The following SNX29 variants were observed in gnomAD, a reference collection of about 807,000 sequenced individuals.
The protein encoded by SNX29 is sorting nexin-29.
In SNX29, 78 loss-of-function variants were observed where a neutral mutation model predicts 102.1. The ratio of observed to expected loss-of-function variants is 0.76; its 90% CI spans 0.64 to 0.92. The LOEUF (loss-of-function observed/expected upper bound fraction) is 0.92, where lower values mean the gene tolerates loss of function less well. SNX29 is among the 40% of genes least tolerant of loss of function. SNX29 has a pLI of 0.00. For missense variants in SNX29, 1,280 were observed against 1,061.7 expected (o/e 1.21, Z -2.86); for synonymous variants, 580 against 414.5 (o/e 1.40, Z -4.85).
At position 12,570,744 on chromosome 16, in the gene SNX29, G is replaced by C. The variant is rs765336462; in HGVS notation, c.*2115G>C. 8 of 231,732 alleles carry C rather than the reference G, an allele frequency of 3.5e-5. No homozygotes were observed. Among genetic ancestry groups the C allele is most frequent in the Non-Finnish European group, 6.0e-5 (7 of 117,554 alleles). 14.4% of individuals were successfully genotyped at this position (231,732 alleles called of 1,614,324 possible). On this transcript the variant is annotated 3_prime_UTR_variant, in exon 21 of 21. Coordinates refer to ENST00000566228, the MANE Select transcript of SNX29 (RefSeq NM_032167.5). ...TGGTCTCTCTCCAGATACCCCACGAGGAAGCACCTTGGACATTCTGCACAT... is the reference window on the plus strand; with the variant it reads ...TGGTCTCTCTCCAGATACCCCACGACGAAGCACCTTGGACATTCTGCACAT...
intron 18 of SNX29, among the ~76,000 whole-genome samples, chr16:12,432,233 G>C (rs1021473937): frequency 6.6e-6 from 1 of 152,186 alleles, no homozygotes; most frequent in Non-Finnish European, 1.5e-5. Context: ...TCGGTCCTCC[G>C]CATTTACGCA....
At chr16:12,259,416 C>A (rs2078668381) in intron 14 of SNX29, among the ~76,000 whole-genome samples, 1 of 152,154 alleles carries the variant, frequency 6.6e-6, no homozygotes, top group Non-Finnish European at 1.5e-5. Context: ...CCCCTGCCTC[C>A]AGCCTGAGCA....
chr16:12,552,064 ATC>A (rs57896076), intron 20 of SNX29, among the ~76,000 whole-genome samples: 11,488 of 152,114 alleles, frequency 0.076, 583 homozygotes, highest in East Asian at 0.21. Context: ...GGGGCACTGA[ATC>A]TCTGTCTCAA....
At chr16:12,038,580 G>A (rs1200470022) in intron 4 of SNX29, 4 of 152,170 alleles carry the variant, frequency 2.6e-5, no homozygotes, top group East Asian at 3.8e-4. Context: ...GGTGAGCTGC[G>A]CTTTAAATAG....
chr16:11,991,451 GC>G (rs564658428), intron 1 of SNX29, among the ~76,000 whole-genome samples: 110 of 152,152 alleles, frequency 7.2e-4, no homozygotes, highest in East Asian at 5.4e-3. Flanking sequence ...TGCAGGAGGG[GC>G]CCGTGGAAGC....
Position 11,986,908 on chromosome 16 carries a change from G to A in SNX29, c.7+10095G>A, listed in dbSNP as rs76524860. Among the ~76,000 whole-genome samples, 284 of 152,200 alleles carry A rather than the reference G, an allele frequency of 1.9e-3. 8 individuals carry two copies. In the East Asian group the frequency reaches 0.046, roughly 25 times the overall value. Reference sequence around the variant, plus strand: ...AAAAGTCAGCAGCTGGATTTGGCTCGGGGGCTATAGTTGACTGACCCCTAC... The same window carrying A: ...AAAAGTCAGCAGCTGGATTTGGCTCAGGGGCTATAGTTGACTGACCCCTAC... On this transcript the variant is annotated intron_variant, in intron 1 of 20. Coordinates refer to ENST00000566228, the MANE Select transcript of SNX29 (RefSeq NM_032167.5).
chr16:12,309,736 G>A (rs2080467916), intron 15 of SNX29, among the ~76,000 whole-genome samples: 1 of 152,136 alleles, frequency 6.6e-6, no homozygotes, highest in South Asian at 2.1e-4. Context: ...AATCGCTCCC[G>A]CCAGTTAGTA....
intron 1 of SNX29, among the ~76,000 whole-genome samples, chr16:11,978,565 A>G (rs187048316): frequency 6.6e-6 from 1 of 152,150 alleles, no homozygotes; most frequent in African/African-American, 2.4e-5. Flanking sequence ...GCAAGAGCTC[A>G]TGTGGGGTAG....
chr16:12,078,751 C>G, intron 10 of SNX29, 82 bp from the exon 11 acceptor site: 1 of 1,213,148 alleles, frequency 8.2e-7, no homozygotes. Context: ...CGGAGTAAAC[C>G]GACCTCTGCT....
chr16:12,487,548 C>T (rs1191435211), intron 19 of SNX29, among the ~76,000 whole-genome samples: 2 of 152,142 alleles, frequency 1.3e-5, no homozygotes, highest in African/African-American at 2.4e-5. Flanking sequence ...CTGCAAATGC[C>T]GCCGCACCAC....
intron 20 of SNX29, among the ~76,000 whole-genome samples, chr16:12,551,009 C>G (rs539795040): frequency 6.6e-5 from 10 of 152,280 alleles, no homozygotes; most frequent in Admixed American, 3.3e-4. Context: ...TATTTCTTCT[C>G]TGGCCGAGTG....
chr16:12,497,415 AG>A lies in SNX29; in HGVS notation c.2178+19559del, dbSNP rs1286783243. ...TCAGTGCTATGGAGGAGGTTAAATTAGGGTGTGGGAGCACACGGGAGAGTGT... is the reference window on the plus strand; with the variant it reads ...TCAGTGCTATGGAGGAGGTTAAATTAGGTGTGGGAGCACACGGGAGAGTGT... On this transcript the variant is annotated intron_variant, in intron 19 of 20. Coordinates refer to ENST00000566228, the MANE Select transcript of SNX29 (RefSeq NM_032167.5). Among the ~76,000 whole-genome samples the A allele has an allele frequency of 2.6e-5, 4 of 152,350 alleles. No individual in the cohort carries two copies. In the East Asian group the frequency reaches 5.8e-4, roughly 22 times the overall value.
At chr16:12,080,235 T>C (rs1372146341) in intron 11 of SNX29, among the ~76,000 whole-genome samples, 9 of 152,110 alleles carry the variant, frequency 5.9e-5, no homozygotes, top group Non-Finnish European at 1.3e-4. Flanking sequence ...GAAATTAGTT[T>C]TTGTTGCTAA....
intron 3 of SNX29, among the ~76,000 whole-genome samples, chr16:12,010,957 A>T (rs2056629098): frequency 1.3e-5 from 2 of 151,840 alleles, no homozygotes; most frequent in South Asian, 4.2e-4. Context: ...AATGTTTGTC[A>T]TGTGATTTTT....
In SNX29 at chr16:12,365,984, G is replaced by T. The variant is rs534755815; in HGVS notation, c.1899+9705G>T. On this transcript the variant is annotated intron_variant, in intron 16 of 20. Transcript: ENST00000566228. ...ATGAACCCGGGAGGTGGAGGTTGCAGTGAGCAGAGATCGTGCCACTGCACT... is the reference window on the plus strand; with the variant it reads ...ATGAACCCGGGAGGTGGAGGTTGCATTGAGCAGAGATCGTGCCACTGCACT... 1.4e-4 allele frequency among the ~76,000 whole-genome samples: 20 copies of T among 141,420 alleles called. No individual in the cohort carries two copies. In the South Asian group the frequency reaches 4.6e-3, roughly 33 times the overall value. The allele number at this position is 141,420 out of a possible 152,430, so 92.8% of individuals were successfully genotyped here. A position where few individuals can be genotyped will look rare whatever the true frequency, so the allele number is the denominator to read the frequency against.
intron 20 of SNX29, among the ~76,000 whole-genome samples, chr16:12,558,054 A>G (rs2078481632): frequency 2.0e-5 from 3 of 152,328 alleles, no homozygotes; most frequent in South Asian, 2.1e-4. Context: ...GGATTACAAC[A>G]GAGACATGAT....
intron 16 of SNX29, among the ~76,000 whole-genome samples, chr16:12,384,074 GTACCCCAC>G (rs920478791): frequency 9.2e-5 from 14 of 152,132 alleles, no homozygotes; most frequent in Admixed American, 3.9e-4. Context: ...TGGCTGAATA[GTACCCCAC>G]TGTGTATATG....
At chr16:12,025,392 AG>A (rs1283414261) in intron 3 of SNX29, among the ~76,000 whole-genome samples, 1 of 151,846 alleles carries the variant, frequency 6.6e-6, no homozygotes, top group Non-Finnish European at 1.5e-5. Context: ...TGCCCAGCAA[AG>A]AGGTTTGTTT....
intron 15 of SNX29, among the ~76,000 whole-genome samples, chr16:12,346,642 GTTC>G (rs1452222652): frequency 6.6e-6 from 1 of 152,198 alleles, no homozygotes; most frequent in South Asian, 2.1e-4. Flanking sequence ...CCTCTTGTGT[GTTC>G]TTCTTAAAGG....
Sources: gnomAD v4.1 joint callset for allele counts (sites outside exome capture counted in the v4.1 genomes callset) on GRCh38, gnomAD v4.1.1 for gene constraint, MANE v1.5 for transcripts, NCBI Gene and HGNC (gene_info 2026-07-23, HGNC 2026-07-21) for gene names.